SLC52A3: variants seen among roughly 807,000 people sequenced by gnomAD.
SLC52A3 encodes the protein solute carrier family 52, riboflavin transporter, member 3.
Under a neutral mutation model 29.5 loss-of-function variants are expected in SLC52A3, and 20 were observed. The ratio of observed to expected loss-of-function variants is 0.68; its 90% confidence interval spans 0.48 to 0.99. SLC52A3 has a LOEUF of 0.99. Ranked by LOEUF, SLC52A3 falls within the 50% of genes least tolerant of loss-of-function variation. The pLI is 0.00. For missense variants in SLC52A3, 548 were observed against 612.9 expected (o/e 0.89, Z 1.12); for synonymous variants, 301 against 271.0 (o/e 1.11, Z -1.09).
upstream of SLC52A3, among the ~76,000 whole-genome samples, chr20:769,651 C>G (rs6133379): frequency 0.075 from 11,469 of 152,258 alleles, 921 homozygotes; most frequent in East Asian, 0.46. Context: ...AATCCTAGCA[C>G]TTTGGGAGGA....
chr20:771,458 C>A (rs969014583), upstream of SLC52A3, among the ~76,000 whole-genome samples: 1 of 152,026 alleles, frequency 6.6e-6, no homozygotes, highest in Non-Finnish European at 1.5e-5. Context: ...CAGACAAAAA[C>A]TACTCCATAC....
In SLC52A3 at chr20:765,843, C is replaced by G; in HGVS notation, c.-51-18G>C. On this transcript the variant is annotated intron_variant, in intron 1 of 4. Coordinates refer to ENST00000645534, the MANE Select transcript of SLC52A3 (RefSeq NM_033409.4). This position sits in a 1 kb window ranked among gnomAD's most constrained non-coding sequence, Gnocchi z 6.6. Reference sequence around the variant, plus strand: ...CAGCGGGGCTGGCAGAGAAGGACACCAGGTGAGTAATTCCAGCTTCACCAC... The same window carrying G: ...CAGCGGGGCTGGCAGAGAAGGACACGAGGTGAGTAATTCCAGCTTCACCAC... The G allele has an allele frequency of 6.8e-7, 1 of 1,476,246 alleles. No homozygotes were observed. Among genetic ancestry groups the G allele is most frequent in the South Asian group, 1.2e-5 (1 of 83,744 alleles). 91.4% of individuals were successfully genotyped at this position (1,476,246 alleles called of 1,614,324 possible).
chr20:779,433 C>A (rs1478826208), upstream of SLC52A3, among the ~76,000 whole-genome samples: 2 of 152,118 alleles, frequency 1.3e-5, no homozygotes, highest in Non-Finnish European at 2.9e-5. Context: ...ACCAGCCTGG[C>A]CAACAAGATG....
chr20:760,920 C>G lies in SLC52A3; in HGVS notation c.*106G>C. On this transcript the variant is annotated 3_prime_UTR_variant, in exon 5 of 5. Transcript: ENST00000645534. The surrounding 1 kb of genome is among the most constrained non-coding windows in gnomAD (Gnocchi z 4.9). ...CCAGTGGGCACTTGCGTTCATGATTCAATTACTCAGGCTCTGTCTCTCTGT... is the reference window on the plus strand; with the variant it reads ...CCAGTGGGCACTTGCGTTCATGATTGAATTACTCAGGCTCTGTCTCTCTGT... 1 of 1,186,972 alleles carries G rather than the reference C, an allele frequency of 8.4e-7. No homozygotes were observed. The allele number at this position is 1,186,972 out of a possible 1,614,324, so 73.5% of individuals were successfully genotyped here.
rs762731343 is a variant in SLC52A3 at position 763,428 on chromosome 20, G to A, written c.1073+70C>T. On this transcript the variant is annotated intron_variant, in intron 3 of 4. Coordinates refer to ENST00000645534, the MANE Select transcript of SLC52A3 (RefSeq NM_033409.4). Reference sequence around the variant, plus strand: ...ACTACATGTACAGCCCAGTAGGTGCGTTTGGAATTCTGGGTTCTGAAATGA... The same window carrying A: ...ACTACATGTACAGCCCAGTAGGTGCATTTGGAATTCTGGGTTCTGAAATGA... The A allele has an allele frequency of 1.6e-4, 263 of 1,600,730 alleles. 1 individual carries two copies. The highest frequency in any genetic ancestry group is 2.0e-4 in the Non-Finnish European group (229 of 1,170,346).
chr20:761,365 G>T (rs1156402980), intron 4 of SLC52A3, 127 bp from the exon 5 acceptor site: 1 of 1,127,880 alleles, frequency 8.9e-7, no homozygotes, highest in Non-Finnish European at 1.2e-6. Flanking sequence ...CGCCTTCTGG[G>T]AGTGAGCCTG....
upstream of SLC52A3, among the ~76,000 whole-genome samples, chr20:772,746 A>G (rs531967252): frequency 6.6e-6 from 1 of 152,306 alleles, no homozygotes; most frequent in South Asian, 2.1e-4. Flanking sequence ...GAAGCAGAAT[A>G]AAAAACAGAA....
intron 3 of SLC52A3, among the ~76,000 whole-genome samples, chr20:762,287 C>T (rs6117508): frequency 0.18 from 27,500 of 152,170 alleles, 2,607 homozygotes; most frequent in African/African-American, 0.23. Context: ...ATGGCTGGAT[C>T]GGGCATTGGC....
At chr20:764,789 T>G (rs1028482383) in intron 2 of SLC52A3, among the ~76,000 whole-genome samples, 3 of 152,206 alleles carry the variant, frequency 2.0e-5, no homozygotes, top group Non-Finnish European at 4.4e-5. Context: ...CAAGAAAAGG[T>G]ATCTGTACCA....
chr20:778,416 C>T (rs1319825361), upstream of SLC52A3, among the ~76,000 whole-genome samples: 1 of 152,176 alleles, frequency 6.6e-6, no homozygotes, highest in Non-Finnish European at 1.5e-5. Flanking sequence ...TCCCCCAAAG[C>T]CCTAAGACCC....
At chr20:771,459 T>C (rs1228774368), upstream of SLC52A3, among the ~76,000 whole-genome samples, 1 of 152,090 alleles carries the variant, frequency 6.6e-6, no homozygotes, top group Non-Finnish European at 1.5e-5. Flanking sequence ...AGACAAAAAC[T>C]ACTCCATACT....
intron 2 of SLC52A3, among the ~76,000 whole-genome samples, chr20:764,339 G>T (rs2122520533): frequency 6.6e-6 from 1 of 152,302 alleles, no homozygotes; most frequent in South Asian, 2.1e-4. Context: ...GGTGCTTTCT[G>T]ACTTGGAAGC....
At chr20:779,910 G>T (rs1987163079), upstream of SLC52A3, among the ~76,000 whole-genome samples, 1 of 152,158 alleles carries the variant, frequency 6.6e-6, no homozygotes, top group South Asian at 2.1e-4. Context: ...TAAAGCTGAG[G>T]CTAGCCGTGG....
chr20:764,440 A>G (rs1986602750), intron 2 of SLC52A3, among the ~76,000 whole-genome samples: 1 of 152,224 alleles, frequency 6.6e-6, no homozygotes, highest in African/African-American at 2.4e-5. Flanking sequence ...CGCCCACCTA[A>G]GAGGAGAGCC....
intron 3 of SLC52A3, 110 bp from the exon 4 acceptor site, chr20:761,934 A>G (rs913006281): frequency 1.3e-6 from 2 of 1,527,690 alleles, no homozygotes; most frequent in Non-Finnish European, 8.9e-7. Flanking sequence ...GTTTAGACCC[A>G]TGTGGAAAAT....
At chr20:776,144 A>G (rs1408489140), upstream of SLC52A3, 1 of 152,244 alleles carries the variant, frequency 6.6e-6, no homozygotes, top group African/African-American at 2.4e-5. Flanking sequence ...TCCAGATGGT[A>G]GAACTGTATA....
At chr20:761,884 C>T (rs1172596669) in intron 3 of SLC52A3, 60 bp from the exon 4 acceptor site, 2 of 1,612,002 alleles carry the variant, frequency 1.2e-6, no homozygotes, top group Non-Finnish European at 8.5e-7. Flanking sequence ...CCCCCCCGCC[C>T]CACTGGGCGG....
Position 763,951 on chromosome 20 carries a change from G to T in SLC52A3, c.620C>A (p.Ser207Tyr). 1.9e-6 allele frequency: 3 copies of T among 1,611,710 alleles called. No individual in the cohort carries two copies. Among genetic ancestry groups the T allele is most frequent in the Non-Finnish European group, 2.5e-6 (3 of 1,178,862 alleles). The change falls in exon 3 of 5, where the codon TCC becomes TAC. Residue 207 changes from serine to tyrosine, a missense_variant. By Grantham distance (144) the Ser-to-Tyr change is moderately radical (BLOSUM62 -2). Transcript: ENST00000645534. ...GGGAAGGTAGCGGCTCTCCAGGTGG[G>T]ACAAGGGTGCTTCCATTCCGGGGAG... is the stretch of plus-strand genomic sequence containing the variant. ...SALPGMEAPL[S>Y]HLESRYLPAH... is the part of the protein sequence containing the mutation.
upstream of SLC52A3, among the ~76,000 whole-genome samples, chr20:779,736 T>C (rs930260023): frequency 3.9e-5 from 6 of 152,152 alleles, no homozygotes; most frequent in African/African-American, 1.4e-4. Flanking sequence ...ACACATGGAG[T>C]TAAATGCTGG....
Sources: gnomAD v4.1 joint callset for allele counts (sites outside exome capture counted in the v4.1 genomes callset) on GRCh38, gnomAD v4.1.1 for gene constraint, Gnocchi (gnomAD v3.1) non-coding constraint, MANE v1.5 for transcripts, NCBI Gene and HGNC (gene_info 2026-07-23, HGNC 2026-07-21) for gene names.